Variants in MID1 observed in about 807,000 individuals in gnomAD.
MID1 encodes midline 1.
Under a neutral mutation model 40.4 loss-of-function variants are expected in MID1, and 7 were observed. The observed-to-expected ratio is 0.17, with a 90% CI of 0.10 to 0.33. The LOEUF is 0.33. Among genes scored for constraint, MID1 ranks in the 10% least tolerant of loss-of-function variants. The probability of loss-of-function intolerance (pLI) is 1.00; values close to 1 mark genes in which losing one functional copy is unlikely to be tolerated. For synonymous variants in MID1, 229 were observed against 221.2 expected, an observed-to-expected ratio of 1.04 and a Z score of -0.31; for missense variants, 367 against 558.5, an observed-to-expected ratio of 0.66 and a Z score of 3.46.
At chrX:10,489,649 T>C (rs1930818957) in intron 4 of MID1, among the ~76,000 whole-genome samples, 1 of 111,525 alleles carries the variant, frequency 9.0e-6, no homozygotes, top group African/African-American at 3.3e-5. Flanking sequence ...ATAATAAATC[T>C]TGAAATCAGC....
At chrX:10,532,930 C>T (rs368440148) in intron 2 of MID1, among the ~76,000 whole-genome samples, 3,069 of 108,751 alleles carry the variant, frequency 0.028, 39 homozygotes, top group South Asian at 0.051. Flanking sequence ...ACCACCATGC[C>T]CAGCTAATTT....
At chrX:10,667,125 A>G (rs1281704801) in intron 1 of MID1, among the ~76,000 whole-genome samples, 1 of 111,431 alleles carries the variant, frequency 9.0e-6, no homozygotes, top group Non-Finnish European at 1.9e-5. Context: ...AGACTTGTGT[A>G]TGCACCCCTC....
chrX:10,556,095 C>CA (rs34757461), intron 2 of MID1, among the ~76,000 whole-genome samples: 3,283 of 94,165 alleles, frequency 0.035, 84 homozygotes, highest in African/African-American at 0.09. Flanking sequence ...GGCAACCCTA[C>CA]AAAAAAAAAA....
At chrX:10,821,588 T>C (rs2044175086) in intron 1 of MID1, among the ~76,000 whole-genome samples, 1 of 112,336 alleles carries the variant, frequency 8.9e-6, no homozygotes, top group Admixed American at 9.4e-5. Flanking sequence ...TTTTGTGCTG[T>C]TTGCTCCTCC....
intron 1 of MID1, among the ~76,000 whole-genome samples, chrX:10,613,950 G>T (rs1026023252): frequency 9.4e-6 from 1 of 106,622 alleles, no homozygotes; most frequent in Non-Finnish European, 1.9e-5. Flanking sequence ...ATATCCCTTC[G>T]GATTTTAAGG....
chrX:10,566,520 TCCCTCTCTCTCC>T (rs1569107628), intron 2 of MID1, among the ~76,000 whole-genome samples: 7 of 89,528 alleles, frequency 7.8e-5, no homozygotes, highest in African/African-American at 2.9e-4. Flanking sequence ...TCCCTCTCTC[TCCCTCTCTCTCC>T]CTCTCTCTCT....
chrX:10,833,249 A>C (rs1252230288), intron 1 of MID1, among the ~76,000 whole-genome samples: 1 of 112,089 alleles, frequency 8.9e-6, no homozygotes, highest in Non-Finnish European at 1.9e-5. Context: ...CCCAAGGCTA[A>C]TTTCCACTGT....
intron 1 of MID1, among the ~76,000 whole-genome samples, chrX:10,813,475 G>T (rs1254354667): frequency 9.0e-6 from 1 of 111,644 alleles, no homozygotes; most frequent in East Asian, 2.8e-4. Context: ...ACAAAGTCCA[G>T]AAAGATGGGT....
chrX:10,607,554 G>A (rs780124864), intron 1 of MID1, among the ~76,000 whole-genome samples: 116 of 112,459 alleles, frequency 1.0e-3, no homozygotes, highest in African/African-American at 3.5e-3. Context: ...CAGAGCCAGT[G>A]TATGTATGTC....
chrX:10,703,591 C>T (rs754477985), intron 1 of MID1, among the ~76,000 whole-genome samples: 11 of 111,524 alleles, frequency 9.9e-5, no homozygotes, highest in Non-Finnish European at 1.5e-4. Flanking sequence ...TGCTTGAACC[C>T]GGGAGGTGGA....
intron 1 of MID1, among the ~76,000 whole-genome samples, chrX:10,775,297 TG>T (rs1485074332): frequency 9.0e-6 from 1 of 111,132 alleles, no homozygotes; most frequent in Non-Finnish European, 1.9e-5. Flanking sequence ...TTAACTGGGC[TG>T]CAAGAAGAGT....
At chrX:10,809,562 A>G (rs894898003) in intron 1 of MID1, among the ~76,000 whole-genome samples, 2 of 111,811 alleles carry the variant, frequency 1.8e-5, no homozygotes, top group African/African-American at 6.5e-5. Flanking sequence ...GATTAAGAAA[A>G]TGTGGCACAT....
At chrX:10,481,833 C>T (rs73492976) in intron 5 of MID1, among the ~76,000 whole-genome samples, 2,402 of 112,012 alleles carry the variant, frequency 0.021, 48 homozygotes, top group African/African-American at 0.075. Flanking sequence ...GTATGTGTGC[C>T]GAAAAAATAC....
chrX:10,761,805 G>A (rs1199240960), intron 1 of MID1, among the ~76,000 whole-genome samples: 1 of 111,954 alleles, frequency 8.9e-6, no homozygotes, highest in Non-Finnish European at 1.9e-5. Flanking sequence ...TTTGTTATGG[G>A]GAATTAGGTA....
At chrX:10,641,102 G>C (rs781624771) in intron 1 of MID1, among the ~76,000 whole-genome samples, 3 of 111,652 alleles carry the variant, frequency 2.7e-5, no homozygotes, top group East Asian at 5.6e-4. Context: ...ACAATTAAAA[G>C]AACTAGAGAA....
chrX:10,547,774 A>G (rs1933755805), intron 2 of MID1, among the ~76,000 whole-genome samples: 1 of 111,601 alleles, frequency 9.0e-6, no homozygotes, highest in Admixed American at 9.5e-5. Flanking sequence ...AAGCCATGAA[A>G]AGCAGTCATT....
intron 6 of MID1, among the ~76,000 whole-genome samples, chrX:10,471,094 C>T (rs1265471450): frequency 9.0e-6 from 1 of 111,700 alleles, no homozygotes; most frequent in Non-Finnish European, 1.9e-5. Flanking sequence ...GTTTGCTGAC[C>T]TCTGGTTTAG....
chrX:10,761,356 T>C (rs1032859249), intron 1 of MID1, among the ~76,000 whole-genome samples: 2 of 112,092 alleles, frequency 1.8e-5, no homozygotes, highest in African/African-American at 6.5e-5. Context: ...TAATCAATGA[T>C]GCAGTATTCA....
intron 1 of MID1, among the ~76,000 whole-genome samples, chrX:10,729,944 C>T (rs1418307766): frequency 9.1e-6 from 1 of 109,311 alleles, no homozygotes; most frequent in South Asian, 4.0e-4. Flanking sequence ...ATTAGCCGGG[C>T]GTGGTGGCGG....
Sources: allele counts gnomAD v4.1 joint callset (sites outside exome capture counted in the v4.1 genomes callset), GRCh38; gene constraint gnomAD v4.1.1; transcripts MANE v1.5; gene names NCBI Gene and HGNC (gene_info 2026-07-23, HGNC 2026-07-21).